KCND3: variants seen among roughly 807,000 people sequenced by gnomAD.
KCND3 encodes potassium voltage-gated channel subfamily D member 3, also known as A-type voltage-gated potassium channel KCND3.
Under a neutral mutation model 51.1 loss-of-function variants are expected in KCND3, and 9 were observed. The observed-to-expected ratio is 0.18, with a 90% confidence interval of 0.11 to 0.31. KCND3 has a LOEUF of 0.31. Among genes scored for constraint, KCND3 ranks in the 10% least tolerant of loss-of-function variants. The pLI is 1.00. For synonymous variants in KCND3, 349 were observed against 368.0 expected (o/e 0.95, Z 0.59); for missense variants, 526 against 903.8 (o/e 0.58, Z 5.36).
At chr1:111,988,199 GC>G (rs1675398652) in intron 1 of KCND3, among the ~76,000 whole-genome samples, 1 of 152,168 alleles carries the variant, frequency 6.6e-6, no homozygotes, top group South Asian at 2.1e-4. Flanking sequence ...AGAGGAAGGT[GC>G]CCATGACCCG....
At chr1:111,831,124 C>T (rs545232135) in intron 2 of KCND3, among the ~76,000 whole-genome samples, 1 of 152,354 alleles carries the variant, frequency 6.6e-6, no homozygotes, top group South Asian at 2.1e-4. Context: ...GCTGACTCCC[C>T]CTTTCATCTG....
chr1:111,824,314 C>T (rs935251254), intron 2 of KCND3, among the ~76,000 whole-genome samples: 14 of 152,152 alleles, frequency 9.2e-5, no homozygotes, highest in Non-Finnish European at 2.1e-4. Flanking sequence ...GGTTGACTTG[C>T]AGCAAATCAC....
At chr1:111,872,841 G>A (rs554216081) in intron 2 of KCND3, among the ~76,000 whole-genome samples, 12 of 152,294 alleles carry the variant, frequency 7.9e-5, no homozygotes, top group Non-Finnish European at 1.2e-4. Context: ...GTTTTACAAA[G>A]GCAGATGTCT....
Position 111,981,815 on chromosome 1 carries a change from G to A in KCND3, c.912C>T (p.Ser304=), listed in dbSNP as rs1553187275. Residue 304 remains serine (S), a synonymous_variant, in exon 2 of 8, where the codon TCC becomes TCT. Coordinates refer to ENST00000302127, the MANE Select transcript of KCND3 (RefSeq NM_001378969.1). This position sits in a 1 kb window ranked among gnomAD's most constrained non-coding sequence, Gnocchi z 6.2. ...VFRIFKFSRH[S]QGLRILGYTL... is the part of the protein sequence containing the mutation. ...TGTAGCCCAGGATCCGCAGGCCCTGGGAGTGGCGGGAAAACTTGAAGATCC... is the reference window on the plus strand; with the variant it reads ...TGTAGCCCAGGATCCGCAGGCCCTGAGAGTGGCGGGAAAACTTGAAGATCC... 2 of 1,614,132 alleles carry A rather than the reference G, an allele frequency of 1.2e-6. No homozygotes were observed. The highest frequency in any genetic ancestry group is 1.7e-6 in the Non-Finnish European group (2 of 1,180,008).
intron 2 of KCND3, among the ~76,000 whole-genome samples, chr1:111,928,240 T>C (rs1671804448): frequency 6.6e-6 from 1 of 152,150 alleles, no homozygotes. Context: ...CGACAAATAC[T>C]TGTTAAATGA....
At chr1:111,869,819 G>A (rs1480241467) in intron 2 of KCND3, among the ~76,000 whole-genome samples, 1 of 152,174 alleles carries the variant, frequency 6.6e-6, no homozygotes, top group Non-Finnish European at 1.5e-5. Context: ...TTAACATGCA[G>A]CCAGTAAGTG....
chr1:111,970,742 CT>C (rs1465479256), intron 2 of KCND3, among the ~76,000 whole-genome samples: 1 of 152,228 alleles, frequency 6.6e-6, no homozygotes, highest in East Asian at 1.9e-4. Flanking sequence ...TTTTAATCTT[CT>C]CATAATCTTC....
At chr1:111,873,680 A>G (rs1259981124) in intron 2 of KCND3, among the ~76,000 whole-genome samples, 1 of 152,106 alleles carries the variant, frequency 6.6e-6, no homozygotes, top group South Asian at 2.1e-4. Context: ...TCTCAAGCAG[A>G]TGCTTATTAT....
chr1:111,981,773 G>A lies in KCND3; in HGVS notation c.954C>T (p.Ala318=), dbSNP rs1217872271. 6.2e-7 allele frequency: 1 copy of A among 1,614,062 alleles called. No homozygotes were observed. Among genetic ancestry groups the A allele is most frequent in the Non-Finnish European group, 8.5e-7 (1 of 1,180,034 alleles). ...RILGYTLKSC[A]SELGFLLFSL... The stretch of plus-strand genomic sequence containing the variant: ...AGAAGAGAAGAAAGCCCAGTTCGGA[G>A]GCACAGCTCTTCAGTGTGTAGCCCA... Residue 318 remains alanine (A), a synonymous_variant, in exon 2 of 8, where the codon GCC becomes GCT. Coordinates refer to ENST00000302127, the MANE Select transcript of KCND3 (RefSeq NM_001378969.1). The surrounding 1 kb of genome is among the most constrained non-coding windows in gnomAD (Gnocchi z 6.2).
At chr1:111,790,820 C>A (rs112442461) in intron 2 of KCND3, among the ~76,000 whole-genome samples, 2 of 152,220 alleles carry the variant, frequency 1.3e-5, no homozygotes, top group African/African-American at 4.8e-5. Context: ...GTGAATGGAA[C>A]CATATATGTG....
chr1:111,906,436 T>C (rs894632412), intron 2 of KCND3, among the ~76,000 whole-genome samples: 5 of 152,212 alleles, frequency 3.3e-5, no homozygotes, highest in Non-Finnish European at 5.9e-5. Flanking sequence ...CTTCCATCCT[T>C]TCTGACCTCC....
At chr1:111,964,969 A>G (rs1673887748) in intron 2 of KCND3, among the ~76,000 whole-genome samples, 1 of 152,186 alleles carries the variant, frequency 6.6e-6, no homozygotes, top group Admixed American at 6.5e-5. Flanking sequence ...GCCTGAACAC[A>G]TGGTCAGCAG....
intron 2 of KCND3, among the ~76,000 whole-genome samples, chr1:111,932,421 A>G (rs1395305575): frequency 6.6e-6 from 1 of 152,206 alleles, no homozygotes; most frequent in Non-Finnish European, 1.5e-5. Flanking sequence ...CTTACAATGC[A>G]GTGGCATTAA....
intron 2 of KCND3, among the ~76,000 whole-genome samples, chr1:111,925,392 G>T (rs746267130): frequency 6.6e-6 from 1 of 152,214 alleles, no homozygotes; most frequent in African/African-American, 2.4e-5. Flanking sequence ...CTACGAATAT[G>T]ATTTTAGAGC....
At chr1:111,789,787 G>A (rs998856689) in intron 2 of KCND3, among the ~76,000 whole-genome samples, 1 of 152,200 alleles carries the variant, frequency 6.6e-6, no homozygotes, top group African/African-American at 2.4e-5. Flanking sequence ...TTGACAGTGA[G>A]GTTAACTGGT....
At chr1:111,950,531 A>G (rs1673010435) in intron 2 of KCND3, among the ~76,000 whole-genome samples, 1 of 152,208 alleles carries the variant, frequency 6.6e-6, no homozygotes, top group Non-Finnish European at 1.5e-5. Context: ...AAATTGTTGA[A>G]TAGATTAATT....
intron 2 of KCND3, among the ~76,000 whole-genome samples, chr1:111,892,908 G>A (rs1423685976): frequency 2.0e-5 from 3 of 152,302 alleles, no homozygotes; most frequent in Admixed American, 1.3e-4. Flanking sequence ...GGGCTGAGAC[G>A]ACACACCAAA....
chr1:111,825,125 A>T (rs1032328994), intron 2 of KCND3, among the ~76,000 whole-genome samples: 1 of 152,196 alleles, frequency 6.6e-6, no homozygotes. Context: ...TAATAATTCC[A>T]TGTCCATACA....
At chr1:111,842,297 A>G (rs1044788076) in intron 2 of KCND3, among the ~76,000 whole-genome samples, 4 of 152,216 alleles carry the variant, frequency 2.6e-5, no homozygotes, top group Admixed American at 6.5e-5. Flanking sequence ...TGAGCGGGCC[A>G]TGCTGCCCAG....
Sources: gnomAD v4.1 joint callset for allele counts (sites outside exome capture counted in the v4.1 genomes callset) on GRCh38, gnomAD v4.1.1 for gene constraint, Gnocchi (gnomAD v3.1) non-coding constraint, MANE v1.5 for transcripts, NCBI Gene and HGNC (gene_info 2026-07-23, HGNC 2026-07-21) for gene names.